Variants in GPC5 observed in about 807,000 individuals in gnomAD.
GPC5 encodes the protein glypican 5.
Under a neutral mutation model 53.9 loss-of-function variants are expected in GPC5, and 47 were observed. The observed-to-expected ratio is 0.87, with a 90% confidence interval of 0.69 to 1.11. The LOEUF is 1.11. Ranked by LOEUF, GPC5 falls within the 50% of genes most tolerant of loss-of-function variation. The probability of loss-of-function intolerance (pLI) is 0.00; values close to 1 mark genes in which losing one functional copy is unlikely to be tolerated. For synonymous variants in GPC5, 286 were observed against 263.3 expected (o/e 1.09, Z -0.84); for missense variants, 748 against 713.1 (o/e 1.05, Z -0.56).
chr13:92,334,775 T>C (rs562495104), intron 7 of GPC5, among the ~76,000 whole-genome samples: 1 of 152,260 alleles, frequency 6.6e-6, no homozygotes, highest in African/African-American at 2.4e-5. Flanking sequence ...CAAAATCTAA[T>C]AGGGCAGTCA....
In GPC5 at chr13:92,782,386, A is replaced by T. The variant is rs79795543; in HGVS notation, c.1562-83896A>T. 6.6e-3 allele frequency among the ~76,000 whole-genome samples: 1,009 copies of T among 152,294 alleles called. 15 individuals are homozygous for T. Among genetic ancestry groups the T allele is most frequent in the African/African-American group, 0.023 (958 of 41,566 alleles). On this transcript the variant is annotated intron_variant, in intron 7 of 7. Transcript: ENST00000377067. ...ACACATAGGCAAACAAGGTCACTGC[A>T]GCCCGTGCTAAGTTCTAGGAGAACG...
At chr13:92,831,226 T>C (rs1032639822) in intron 7 of GPC5, among the ~76,000 whole-genome samples, 1 of 152,174 alleles carries the variant, frequency 6.6e-6, no homozygotes, top group Non-Finnish European at 1.5e-5. Context: ...GTGCAGATTT[T>C]AATTACTCCA....
chr13:91,834,495 A>G (rs887084549), intron 5 of GPC5, among the ~76,000 whole-genome samples: 1 of 152,184 alleles, frequency 6.6e-6, no homozygotes, highest in African/African-American at 2.4e-5. Context: ...ACTTCAAACT[A>G]TACTACAAAG....
intron 7 of GPC5, among the ~76,000 whole-genome samples, chr13:92,285,526 G>C (rs1040550202): frequency 5.3e-5 from 8 of 151,392 alleles, no homozygotes; most frequent in Admixed American, 4.6e-4. Context: ...CAGCATGGTA[G>C]TGGTACCACA....
At chr13:92,401,079 T>C (rs1172499623) in intron 7 of GPC5, among the ~76,000 whole-genome samples, 1 of 152,142 alleles carries the variant, frequency 6.6e-6, no homozygotes, top group Admixed American at 6.5e-5. Context: ...AATGGAGCTT[T>C]CAGTGACAGA....
At chr13:92,539,901 C>A (rs1257033650) in intron 7 of GPC5, among the ~76,000 whole-genome samples, 1 of 151,904 alleles carries the variant, frequency 6.6e-6, no homozygotes, top group Non-Finnish European at 1.5e-5. Context: ...TAAATCCAAT[C>A]AAAGAACCAA....
At chr13:92,173,320 T>C (rs16947077) in intron 7 of GPC5, among the ~76,000 whole-genome samples, 5,209 of 152,282 alleles carry the variant, frequency 0.034, 213 homozygotes, top group African/African-American at 0.084. Flanking sequence ...GTGTCGATTC[T>C]GGGTTTTTAG....
At chr13:91,729,767 G>GT (rs903188418) in intron 4 of GPC5, among the ~76,000 whole-genome samples, 1 of 152,124 alleles carries the variant, frequency 6.6e-6, no homozygotes, top group African/African-American at 2.4e-5. Flanking sequence ...TGTCTAGGGT[G>GT]TTTTTATAAT....
intron 5 of GPC5, among the ~76,000 whole-genome samples, chr13:91,858,257 GA>G (rs2038988616): frequency 1.3e-5 from 2 of 151,876 alleles, no homozygotes; most frequent in East Asian, 3.9e-4. Flanking sequence ...GGTCTTAGAG[GA>G]AAGGCTTTCA....
intron 7 of GPC5, among the ~76,000 whole-genome samples, chr13:92,784,729 T>C (rs1376259244): frequency 6.6e-6 from 1 of 152,200 alleles, no homozygotes; most frequent in Non-Finnish European, 1.5e-5. Flanking sequence ...CAAATGATGA[T>C]GCTTTCCACA....
At chr13:91,764,058 T>C (rs1329124881) in intron 5 of GPC5, among the ~76,000 whole-genome samples, 1 of 152,228 alleles carries the variant, frequency 6.6e-6, no homozygotes, top group Non-Finnish European at 1.5e-5. Context: ...TTCAAATATT[T>C]TTGATTCGTG....
intron 3 of GPC5, among the ~76,000 whole-genome samples, chr13:91,703,566 T>C (rs1329097382): frequency 6.6e-6 from 1 of 152,148 alleles, no homozygotes; most frequent in Non-Finnish European, 1.5e-5. Flanking sequence ...TTGTTGAAGA[T>C]TTTTGAATCT....
chr13:92,506,238 T>C (rs1332770770), intron 7 of GPC5, among the ~76,000 whole-genome samples: 1 of 152,232 alleles, frequency 6.6e-6, no homozygotes. Flanking sequence ...TCTGAGGACT[T>C]TAAGAGAAGT....
rs561586824 is a variant in GPC5, at chr13:91,441,317, A to G, written c.164-7444A>G. ...CTTGAGTAGCCATTAAAGAGGTGTT[A>G]TCAGACCTTCATTTAAGTATAAAGT... On this transcript the variant is annotated intron_variant, in intron 1 of 7. Coordinates refer to ENST00000377067, the MANE Select transcript of GPC5 (RefSeq NM_004466.6). Among the ~76,000 whole-genome samples the G allele has an allele frequency of 1.5e-3, 233 of 152,358 alleles. 4 individuals are homozygous for G. The South Asian group carries it at 0.029, about 19-fold the overall frequency.
chr13:91,890,760 T>C (rs2039376232), intron 5 of GPC5, among the ~76,000 whole-genome samples: 1 of 152,230 alleles, frequency 6.6e-6, no homozygotes, highest in Non-Finnish European at 1.5e-5. Context: ...GTTTGCATAA[T>C]AGTTTTGAGT....
At chr13:92,411,092 A>G (rs991844569) in intron 7 of GPC5, among the ~76,000 whole-genome samples, 3 of 152,030 alleles carry the variant, frequency 2.0e-5, no homozygotes, top group Non-Finnish European at 4.4e-5. Context: ...CAAACAAACA[A>G]AAAAGACCAA....
At chr13:92,542,886 A>C (rs1428107251) in intron 7 of GPC5, among the ~76,000 whole-genome samples, 4 of 151,888 alleles carry the variant, frequency 2.6e-5, no homozygotes. Flanking sequence ...ATGTGACTTG[A>C]TGTTTTTCTC....
At chr13:91,441,041 C>T (rs758479813) in intron 1 of GPC5, among the ~76,000 whole-genome samples, 38 of 152,192 alleles carry the variant, frequency 2.5e-4, no homozygotes, top group Non-Finnish European at 4.9e-4. Flanking sequence ...CTATTTGAGT[C>T]ACTTTGTACG....
At chr13:92,668,063 A>G (rs1271910536) in intron 7 of GPC5, among the ~76,000 whole-genome samples, 1 of 152,184 alleles carries the variant, frequency 6.6e-6, no homozygotes, top group African/African-American at 2.4e-5. Context: ...TCATTTTCTT[A>G]GGCATTTGTT....
Sources: gnomAD v4.1 joint callset for allele counts (sites outside exome capture counted in the v4.1 genomes callset) on GRCh38, gnomAD v4.1.1 for gene constraint, MANE v1.5 for transcripts, NCBI Gene and HGNC (gene_info 2026-07-23, HGNC 2026-07-21) for gene names.